The following SLC24A5 variants were observed in gnomAD, a reference collection of about 807,000 sequenced individuals.
SLC24A5 encodes the protein sodium/potassium/calcium exchanger 5.
A neutral mutation model predicts 51.6 loss-of-function variants in SLC24A5; 46 were observed. The ratio of observed to expected loss-of-function variants is 0.89; its 90% CI spans 0.70 to 1.14. SLC24A5 has a LOEUF of 1.14. SLC24A5 is among the 50% of genes most tolerant of loss of function. SLC24A5 has a pLI of 0.00. For synonymous variants in SLC24A5, 230 were observed against 214.9 expected, an observed-to-expected ratio of 1.07 and a Z score of -0.62; for missense variants, 581 against 604.1, an observed-to-expected ratio of 0.96 and a Z score of 0.40.
chr15:48,139,021 G>C lies in SLC24A5; in HGVS notation c.924G>C (p.Trp308Cys). The change falls in exon 7 of 9, where the codon TGG (tryptophan) becomes TGC (cysteine). Residue 308 changes from tryptophan (W) to cysteine (C), a missense_variant. Physicochemically the swap from Trp to Cys is radical, Grantham distance 215. Transcript: ENST00000341459. ...MPEADLKRIFWVLSLPIITLL... is the reference protein window; with the variant it reads ...MPEADLKRIFCVLSLPIITLL... ...AAGCAGACTTAAAAAGAATTTTTTG[G>C]GTATTATCCCTTCCTATTATTACAT... 6.2e-7 allele frequency: 1 copy of C among 1,612,732 alleles called. No individual in the cohort carries two copies. The highest frequency in any genetic ancestry group is 8.5e-7 in the Non-Finnish European group (1 of 1,179,182).
chr15:48,135,791 A>G (rs2038883002), intron 5 of SLC24A5: 1 of 152,148 alleles, frequency 6.6e-6, no homozygotes, highest in African/African-American at 2.4e-5. Flanking sequence ...AAGAAACTTA[A>G]AACCTAGCCA....
Position 48,142,099 on chromosome 15 carries a change from A to G in SLC24A5, c.1251A>G (p.Pro417=). Residue 417 remains proline (P), a synonymous_variant, in exon 9 of 9, where the codon CCA becomes CCG. Transcript: ENST00000341459. ...TTGATATGTTGTGCCTTGGTATTCC[A>G]TGGTTTATTAAAACTGCATTTATAA... ...NVFDMLCLGI[P]WFIKTAFING... is the part of the protein sequence containing the mutation. The G allele has an allele frequency of 1.9e-6, 3 of 1,613,904 alleles. No homozygotes were observed. Among genetic ancestry groups the G allele is most frequent in the African/African-American group, 1.3e-5 (1 of 75,060 alleles).
intron 2 of SLC24A5, among the ~76,000 whole-genome samples, chr15:48,124,958 C>T (rs180694874): frequency 6.6e-6 from 1 of 152,240 alleles, no homozygotes; most frequent in Admixed American, 6.5e-5. Flanking sequence ...TAAATTAATT[C>T]TGTCACTTCT....
At chr15:48,140,913 C>T (rs1771767076) in intron 7 of SLC24A5, 200 bp from the exon 8 acceptor site, 1 of 455,174 alleles carries the variant, frequency 2.2e-6, no homozygotes, top group African/African-American at 2.0e-5. Flanking sequence ...CATTAAAAAT[C>T]TGTGCTACCT....
chr15:48,131,744 AACT>A, intron 2 of SLC24A5, among the ~76,000 whole-genome samples: 1 of 152,258 alleles, frequency 6.6e-6, no homozygotes, highest in East Asian at 1.9e-4. Context: ...ATACAATGTA[AACT>A]ACAAAAATCA....
At chr15:48,141,092 T>G (rs1003962402) in intron 7 of SLC24A5, 21 bp from the exon 8 acceptor site, 1 of 1,576,356 alleles carries the variant, frequency 6.3e-7, no homozygotes, top group African/African-American at 1.4e-5. Context: ...ATTTGTAACT[T>G]GAAATATCTG....
At position 48,134,537 on chromosome 15, in the gene SLC24A5, C is replaced by T. The variant is rs553496066; in HGVS notation, c.488C>T (p.Thr163Met). The change falls in exon 4 of 9, where the codon ACG becomes ATG. Residue 163 changes from threonine (T) to methionine (M), a missense_variant and splice_region_variant. Transcript: ENST00000341459. Reference sequence around the variant, plus strand: ...GCTGCCTGTGGTTTGCTATCTAATACGGTATGTAACAAAACCATTCAACAA... The same window carrying T: ...GCTGCCTGTGGTTTGCTATCTAATATGGTATGTAACAAAACCATTCAACAA... ...ICAACGLLSN[T>M]VSTLSCWPLF... is the part of the protein sequence containing the mutation. The T allele has an allele frequency of 2.1e-5, 33 of 1,605,892 alleles. No individual in the cohort carries two copies. In the Middle Eastern group the frequency reaches 6.7e-4, roughly 32 times the overall value.
intron 2 of SLC24A5, among the ~76,000 whole-genome samples, chr15:48,125,840 T>C (rs2038725370): frequency 6.6e-6 from 1 of 152,166 alleles, no homozygotes; most frequent in Non-Finnish European, 1.5e-5. Context: ...TTGTGGGGTA[T>C]GTATACTGAG....
At chr15:48,121,216 G>A in intron 1 of SLC24A5, 51 bp downstream of exon 1, 3 of 1,546,558 alleles carry the variant, frequency 1.9e-6, no homozygotes, top group Non-Finnish European at 2.6e-6. Context: ...TGCTGCTGCT[G>A]CTACCACATA....
chr15:48,131,794 T>C (rs2038792481), intron 2 of SLC24A5, among the ~76,000 whole-genome samples: 1 of 152,178 alleles, frequency 6.6e-6, no homozygotes, highest in Non-Finnish European at 1.5e-5. Flanking sequence ...TGCAGGTAGA[T>C]GTTCAACAAG....
At chr15:48,125,236 T>C (rs1238683153) in intron 2 of SLC24A5, among the ~76,000 whole-genome samples, 1 of 150,542 alleles carries the variant, frequency 6.6e-6, no homozygotes, top group African/African-American at 2.4e-5. Context: ...GATAAAATTA[T>C]AGATGAAAGA....
chr15:48,126,566 T>C (rs2038733876), intron 2 of SLC24A5, among the ~76,000 whole-genome samples: 1 of 152,114 alleles, frequency 6.6e-6, no homozygotes, highest in Non-Finnish European at 1.5e-5. Flanking sequence ...AAGAGGAGCA[T>C]TATCCAAGCC....
intron 2 of SLC24A5, among the ~76,000 whole-genome samples, chr15:48,128,856 A>C (rs1251951571): frequency 6.6e-6 from 1 of 152,174 alleles, no homozygotes; most frequent in Non-Finnish European, 1.5e-5. Context: ...AACAAGAAAT[A>C]ATAATAAAGT....
At chr15:48,122,285 T>C (rs2038687810) in intron 2 of SLC24A5, 2 of 591,548 alleles carry the variant, frequency 3.4e-6, no homozygotes, top group African/African-American at 1.9e-5. Context: ...CAGAAATCTC[T>C]AGTTTGTCTA....
chr15:48,124,622 C>A (rs918831465), intron 2 of SLC24A5: 4 of 151,988 alleles, frequency 2.6e-5, no homozygotes, highest in Admixed American at 6.6e-5. Context: ...AAATAAAAAA[C>A]CTTTCTAGCC....
intron 2 of SLC24A5, among the ~76,000 whole-genome samples, chr15:48,129,625 T>C (rs528172374): frequency 2.0e-5 from 3 of 152,232 alleles, no homozygotes; most frequent in Non-Finnish European, 2.9e-5. Flanking sequence ...ACTAGACACA[T>C]TGAAATGACA....
At chr15:48,133,579 T>C (rs1399635264) in intron 2 of SLC24A5, among the ~76,000 whole-genome samples, 7 of 152,150 alleles carry the variant, frequency 4.6e-5, no homozygotes, top group African/African-American at 1.7e-4. Flanking sequence ...ATGTTTTAAA[T>C]CAATAGACTA....
At chr15:48,130,541 G>T (rs2038779288) in intron 2 of SLC24A5, among the ~76,000 whole-genome samples, 1 of 152,102 alleles carries the variant, frequency 6.6e-6, no homozygotes, top group Admixed American at 6.6e-5. Flanking sequence ...TTCTAATGAA[G>T]CATTCTTCAG....
intron 2 of SLC24A5, among the ~76,000 whole-genome samples, chr15:48,127,588 G>A (rs1251421174): frequency 6.6e-6 from 1 of 151,706 alleles, no homozygotes; most frequent in African/African-American, 2.4e-5. Context: ...GGAGTCCAAG[G>A]TGGGTGGATT....
Sources: gnomAD v4.1 joint callset for allele counts (sites outside exome capture counted in the v4.1 genomes callset) on GRCh38, gnomAD v4.1.1 for gene constraint, MANE v1.5 for transcripts, NCBI Gene and HGNC (gene_info 2026-07-23, HGNC 2026-07-21) for gene names.